MROH9: variants seen among roughly 807,000 people sequenced by gnomAD.
The protein encoded by MROH9 is maestro heat like repeat family member 9, also known as maestro heat-like repeat-containing protein family member 9.
In MROH9, 92 loss-of-function variants were observed where a neutral mutation model predicts 98.2. The observed-to-expected ratio is 0.94, with a 90% CI of 0.79 to 1.11. The LOEUF is 1.11. Among genes scored for constraint, MROH9 ranks in the 50% most tolerant of loss-of-function variants. The pLI, the probability that MROH9 is intolerant of heterozygous loss-of-function variation, is 0.00. For synonymous variants in MROH9, 397 were observed against 368.9 expected (o/e 1.08, Z -0.87); for missense variants, 1,057 against 1,014.8 (o/e 1.04, Z -0.57).
chr1:170,992,374 T>C (rs769250081), intron 12 of MROH9, 45 bp downstream of exon 12: 1 of 1,574,186 alleles, frequency 6.4e-7, no homozygotes, highest in Admixed American at 1.8e-5. Context: ...ACTGTTTTCC[T>C]GATTGTGAAA....
chr1:170,965,080 G>A, intron 6 of MROH9, 71 bp from the exon 7 acceptor site: 1 of 1,043,156 alleles, frequency 9.6e-7, no homozygotes, highest in Non-Finnish European at 1.4e-6. Context: ...TGGTGAAGTT[G>A]AAGAATAGAG....
At chr1:170,945,379 T>C (rs1649288330) in intron 1 of MROH9, 141 bp from the exon 2 acceptor site, 1 of 601,656 alleles carries the variant, frequency 1.7e-6, no homozygotes, top group African/African-American at 1.9e-5. Context: ...AGCCTTTAAA[T>C]TTGTGATAAA....
intron 20 of MROH9, among the ~76,000 whole-genome samples, chr1:171,053,592 A>G (rs886853491): frequency 6.6e-6 from 1 of 152,238 alleles, no homozygotes; most frequent in African/African-American, 2.4e-5. Context: ...AGATGTATAG[A>G]CTTTTTTAAT....
intron 8 of MROH9, among the ~76,000 whole-genome samples, chr1:170,973,673 C>T (rs1278268658): frequency 2.0e-5 from 3 of 152,074 alleles, no homozygotes; most frequent in East Asian, 3.9e-4. Flanking sequence ...GTCAAGAGTT[C>T]GTGATTAGCC....
chr1:171,013,699 G>A (rs111332433), intron 15 of MROH9, among the ~76,000 whole-genome samples: 27 of 152,134 alleles, frequency 1.8e-4, no homozygotes, highest in African/African-American at 3.6e-4. Flanking sequence ...CTACCGTTTC[G>A]CTCACCATTG....
At chr1:170,962,944 A>C (rs1381744481) in intron 6 of MROH9, among the ~76,000 whole-genome samples, 1 of 152,080 alleles carries the variant, frequency 6.6e-6, no homozygotes, top group Non-Finnish European at 1.5e-5. Context: ...AAAGACACCA[A>C]AAGCAGTTGC....
chr1:170,985,304 ATTAAG>A lies in MROH9; in HGVS notation c.730-1252_730-1248del, dbSNP rs952647217. Among the ~76,000 whole-genome samples, 5 of 152,280 alleles carry A rather than the reference ATTAAG, an allele frequency of 3.3e-5. No homozygotes were observed. The East Asian group carries it at 7.7e-4, about 23-fold the overall frequency. ...AGGAATAAATGAAAATCTGTGGACT[ATTAAG>A]TTAATAGTATATTATGCAAACATTC... On this transcript the variant is annotated intron_variant, in intron 9 of 21. Coordinates refer to ENST00000367759, the MANE Select transcript of MROH9 (RefSeq NM_001163629.2).
At chr1:170,951,855 A>G (rs1274154894) in intron 3 of MROH9, among the ~76,000 whole-genome samples, 1 of 152,148 alleles carries the variant, frequency 6.6e-6, no homozygotes, top group Non-Finnish European at 1.5e-5. Flanking sequence ...TTAGCTATAA[A>G]GTGAGAGCAC....
At chr1:171,036,903 C>T (rs980750111) in intron 20 of MROH9, among the ~76,000 whole-genome samples, 11 of 151,140 alleles carry the variant, frequency 7.3e-5, no homozygotes, top group African/African-American at 2.7e-4. Flanking sequence ...TGGGAATTCA[C>T]ATTAATTTTC....
intron 20 of MROH9, among the ~76,000 whole-genome samples, chr1:171,048,413 C>A (rs1343238409): frequency 6.6e-6 from 1 of 152,116 alleles, no homozygotes; most frequent in Non-Finnish European, 1.5e-5. Flanking sequence ...AGGAGCCTCA[C>A]CTTGTAGCCA....
At chr1:171,046,278 T>C (rs1422749064) in intron 20 of MROH9, among the ~76,000 whole-genome samples, 2 of 152,214 alleles carry the variant, frequency 1.3e-5, no homozygotes, top group African/African-American at 4.8e-5. Context: ...GATTGGGGAA[T>C]TTAATCCATT....
chr1:171,056,497 C>T (rs992121170), intron 20 of MROH9, among the ~76,000 whole-genome samples: 1 of 152,180 alleles, frequency 6.6e-6, no homozygotes, highest in Non-Finnish European at 1.5e-5. Context: ...CTCCCTGGGC[C>T]TGAGCCTCTA....
At position 171,024,750 on chromosome 1, in the gene MROH9, T is replaced by C; in HGVS notation, c.2163T>C (p.Asn721=). 1 of 1,544,564 alleles carries C rather than the reference T, an allele frequency of 6.5e-7. No individual in the cohort carries two copies. Among genetic ancestry groups the C allele is most frequent in the Non-Finnish European group, 8.8e-7 (1 of 1,140,882 alleles). Residue 721 remains asparagine, a synonymous_variant, in exon 19 of 22, where the codon AAT becomes AAC. Coordinates refer to ENST00000367759, the MANE Select transcript of MROH9 (RefSeq NM_001163629.2). Reference sequence around the variant, plus strand: ...ACAGTTTTGAGATGGTGGTGCTCAATATCTGTAACAATCTTGTAAGTGGCC... The same window carrying C: ...ACAGTTTTGAGATGGTGGTGCTCAACATCTGTAACAATCTTGTAAGTGGCC... ...ENYSFEMVVL[N]ICNNLIISHR...
At chr1:171,013,043 C>T (rs539179359) in intron 15 of MROH9, among the ~76,000 whole-genome samples, 13 of 152,246 alleles carry the variant, frequency 8.5e-5, no homozygotes, top group African/African-American at 3.1e-4. Flanking sequence ...CTCAAACACA[C>T]CCTGCTTCAT....
intron 11 of MROH9, among the ~76,000 whole-genome samples, chr1:170,991,161 C>A (rs1300280931): frequency 6.6e-6 from 1 of 152,054 alleles, no homozygotes; most frequent in African/African-American, 2.4e-5. Context: ...AGAAAGCAGG[C>A]ATAATTTGTT....
chr1:170,975,504 T>C (rs1343151326), intron 8 of MROH9, among the ~76,000 whole-genome samples: 2 of 152,124 alleles, frequency 1.3e-5, no homozygotes, highest in Non-Finnish European at 2.9e-5. Flanking sequence ...ATCACCTAAA[T>C]AGTGTACATG....
chr1:170,969,869 A>C (rs1338759805), intron 7 of MROH9, among the ~76,000 whole-genome samples: 2 of 152,252 alleles, frequency 1.3e-5, no homozygotes, highest in East Asian at 3.9e-4. Flanking sequence ...AAAGCTCTCA[A>C]AGTCTCATCT....
chr1:171,001,719 T>A (rs1479861009), intron 15 of MROH9, among the ~76,000 whole-genome samples: 1 of 152,186 alleles, frequency 6.6e-6, no homozygotes, highest in African/African-American at 2.4e-5. Context: ...ATTCTGTGGT[T>A]GTTGGATGAA....
intron 15 of MROH9, among the ~76,000 whole-genome samples, chr1:171,012,499 A>ATT (rs372676922): frequency 0.042 from 4,833 of 114,176 alleles, 455 homozygotes; most frequent in African/African-American, 0.15. Flanking sequence ...TAAAACTGTC[A>ATT]TTTTTTTTTT....
Sources: allele counts gnomAD v4.1 joint callset (sites outside exome capture counted in the v4.1 genomes callset), GRCh38; gene constraint gnomAD v4.1.1; transcripts MANE v1.5; gene names NCBI Gene and HGNC (gene_info 2026-07-23, HGNC 2026-07-21).